The following LEPROTL1 variants were observed in gnomAD, a reference collection of about 807,000 sequenced individuals.
The protein encoded by LEPROTL1 is leptin receptor overlapping transcript-like 1.
A neutral mutation model predicts 15.4 loss-of-function variants in LEPROTL1; 6 were observed. The ratio of observed to expected loss-of-function variants is 0.39; its 90% confidence interval spans 0.21 to 0.77. LEPROTL1 has a LOEUF of 0.77. LEPROTL1 is among the 30% of genes least tolerant of loss of function. The pLI is 0.41. For missense variants in LEPROTL1, 128 were observed against 158.1 expected (o/e 0.81, Z 1.02); for synonymous variants, 56 against 52.6 (o/e 1.06, Z -0.28).
chr8:30,105,301 A>T (rs977902902), intron 3 of LEPROTL1, among the ~76,000 whole-genome samples: 4 of 152,122 alleles, frequency 2.6e-5, no homozygotes, highest in African/African-American at 9.7e-5. Context: ...GTGTGTTTCC[A>T]TCTGTGATAT....
downstream of LEPROTL1, among the ~76,000 whole-genome samples, chr8:30,108,755 G>T (rs534880705): frequency 3.3e-5 from 5 of 151,648 alleles, no homozygotes; most frequent in South Asian, 4.2e-4. Context: ...AGCCTCCTAC[G>T]TAGCTGGGAT....
chr8:30,122,510 G>A (rs530434110), intron 3 of LEPROTL1, among the ~76,000 whole-genome samples: 30 of 152,232 alleles, frequency 2.0e-4, no homozygotes, highest in Non-Finnish European at 3.7e-4. Flanking sequence ...TTTTGGGAGG[G>A]CCAGGCATGG....
chr8:30,106,830 T>G lies in LEPROTL1; in HGVS notation c.*968T>G, dbSNP rs1802576403. 2.0e-6 allele frequency: 2 copies of G among 984,720 alleles called. No homozygotes were observed. The highest frequency in any genetic ancestry group is 1.2e-6 in the Non-Finnish European group (1 of 828,878). 61.0% of individuals were successfully genotyped at this position (984,720 alleles called of 1,614,324 possible). On this transcript the variant is annotated 3_prime_UTR_variant, in exon 4 of 4. Coordinates refer to ENST00000321250, the MANE Select transcript of LEPROTL1 (RefSeq NM_015344.3). ...CAGAAAACCTTCCTCTGCTTCCTCC[T>G]TTTGACTTATTTGGTATGTTGTATA...
chr8:30,117,230 G>A (rs1228539222), intron 3 of LEPROTL1, among the ~76,000 whole-genome samples: 1 of 152,026 alleles, frequency 6.6e-6, no homozygotes, highest in African/African-American at 2.4e-5. Context: ...GCTCAGGCCT[G>A]TAATCCCAGT....
Position 30,095,531 on chromosome 8 carries a change from G to T in LEPROTL1, c.16+3G>T. 1 of 1,435,966 alleles carries T rather than the reference G, an allele frequency of 7.0e-7. No individual in the cohort carries two copies. Among genetic ancestry groups the T allele is most frequent in the Non-Finnish European group, 9.1e-7 (1 of 1,097,188 alleles). The allele number at this position is 1,435,966 out of a possible 1,614,324, so 89.0% of individuals were successfully genotyped here. ...CACCGCCATGGCAGGCATCAAAGGT[G>T]GGCCTGGGTTGCAGGACGCGGGAGG... On this transcript the variant is annotated splice_donor_region_variant and intron_variant, in intron 1 of 3. Transcript: ENST00000321250.
intron 3 of LEPROTL1, 95 bp from the exon 4 acceptor site, chr8:30,105,651 A>G: frequency 2.2e-6 from 2 of 913,118 alleles, no homozygotes; most frequent in Non-Finnish European, 3.3e-6. Context: ...TGCTTCTTTT[A>G]GATCATAATT....
At chr8:30,096,502 T>C in intron 1 of LEPROTL1, 1 of 418,798 alleles carries the variant, frequency 2.4e-6, no homozygotes, top group South Asian at 1.0e-4. Context: ...AGGGTCACAG[T>C]CTTACTGTTT....
intron 3 of LEPROTL1, among the ~76,000 whole-genome samples, chr8:30,120,973 C>G (rs1431929047): frequency 2.0e-5 from 3 of 152,154 alleles, no homozygotes; most frequent in Non-Finnish European, 2.9e-5. Flanking sequence ...AACTCTACTC[C>G]CATTCCCCCT....
At chr8:30,109,472 T>C (rs1036991890), downstream of LEPROTL1, among the ~76,000 whole-genome samples, 9 of 152,358 alleles carry the variant, frequency 5.9e-5, no homozygotes, top group African/African-American at 2.2e-4. Context: ...AAGTATTAAA[T>C]GGATTGTACA....
In LEPROTL1 at chr8:30,129,740, CACACACACACACACACAA is replaced by C. The variant is rs1467640463; in HGVS notation, c.280-2633_280-2616del. ...ACACACACACACACACACACACACA[CACACACACACACACACAA>C]AGAACTACCTGAGACTGGGTAATTA... On this transcript the variant is annotated intron_variant, in intron 3 of 4. Transcript: ENST00000442880. Among the ~76,000 whole-genome samples, 10 of 151,614 alleles carry C rather than the reference CACACACACACACACACAA, an allele frequency of 6.6e-5. No homozygotes were observed. The East Asian group carries it at 1.2e-3, about 18-fold the overall frequency.
chr8:30,099,568 C>T (rs992095425), intron 1 of LEPROTL1, among the ~76,000 whole-genome samples: 4 of 140,216 alleles, frequency 2.9e-5, no homozygotes, highest in African/African-American at 5.3e-5. Flanking sequence ...CGCCACTGCA[C>T]TCCATCCTGG....
At position 30,107,300 on chromosome 8, in the gene LEPROTL1, T is replaced by C; in HGVS notation, c.*1438T>C. ...ATTTATAGTGGTCGTTTACATCTAA[T>C]AATTATCAGGACTTTTTTCAGGAGT... On this transcript the variant is annotated 3_prime_UTR_variant, in exon 4 of 4. Coordinates refer to ENST00000321250, the MANE Select transcript of LEPROTL1 (RefSeq NM_015344.3). 5.1e-6 allele frequency: 5 copies of C among 985,680 alleles called. No homozygotes were observed. Among genetic ancestry groups the C allele is most frequent in the Non-Finnish European group, 6.0e-6 (5 of 829,870 alleles). The allele number at this position is 985,680 out of a possible 1,614,324, so 61.1% of individuals were successfully genotyped here. A position where few individuals can be genotyped will look rare whatever the true frequency, so the allele number is the denominator to read the frequency against.
chr8:30,109,310 T>C (rs1419818432), downstream of LEPROTL1, among the ~76,000 whole-genome samples: 1 of 152,190 alleles, frequency 6.6e-6, no homozygotes. Context: ...GCCCTTTCTT[T>C]CAGTGAAGAT....
intron 2 of LEPROTL1, among the ~76,000 whole-genome samples, chr8:30,103,466 C>T (rs1023241014): frequency 7.9e-5 from 12 of 151,992 alleles, no homozygotes; most frequent in African/African-American, 7.3e-5. Flanking sequence ...AATGGTCAGG[C>T]GCAGTGGCTC....
chr8:30,136,813 G>A (rs149000616), intron 4 of LEPROTL1, among the ~76,000 whole-genome samples: 6 of 149,826 alleles, frequency 4.0e-5, no homozygotes, highest in Admixed American at 2.7e-4. Context: ...TCAGCCTCCC[G>A]AGTAGCTGGG....
At position 30,106,313 on chromosome 8, in the gene LEPROTL1, TTCAG is replaced by T. The variant is rs368030685; in HGVS notation, c.*460_*463del. ...TTACAAAAAATTATAAAAATAAGTT[TTCAG>T]TCAGTCAGGATGACATCACTCCCAA... On this transcript the variant is annotated 3_prime_UTR_variant, in exon 4 of 4. Transcript: ENST00000321250. The T allele has an allele frequency of 7.5e-4, 745 of 986,850 alleles. 4 individuals carry two copies. The African/African-American group carries it at 0.011, about 14-fold the overall frequency. The allele number at this position is 986,850 out of a possible 1,614,324, so 61.1% of individuals were successfully genotyped here.
rs150552460 is a variant in LEPROTL1 at position 30,134,147 on chromosome 8, G to C, written c.394+1658G>C. Among the ~76,000 whole-genome samples the C allele has an allele frequency of 6.3e-4, 96 of 152,280 alleles. No individual in the cohort carries two copies. The East Asian group carries it at 0.018, about 29-fold the overall frequency. ...CTTAAAAAACTTTCTCTTACCAGCT[G>C]GGTGTGGTGGCTCACGCCTGTAATC... On this transcript the variant is annotated intron_variant, in intron 4 of 4. Transcript: ENST00000442880.
chr8:30,112,276 C>T (rs903880284), downstream of LEPROTL1, among the ~76,000 whole-genome samples: 6 of 152,100 alleles, frequency 3.9e-5, no homozygotes, highest in Middle Eastern at 3.4e-3. Flanking sequence ...TGCTCTGTCG[C>T]CCAGGCTGGA....
downstream of LEPROTL1, chr8:30,138,308 T>A (rs1383657808): frequency 4.5e-6 from 2 of 442,866 alleles, no homozygotes; most frequent in African/African-American, 3.9e-5. Context: ...CACTGGGCGG[T>A]TACACTAACA....
Sources: allele counts gnomAD v4.1 joint callset (sites outside exome capture counted in the v4.1 genomes callset), GRCh38; gene constraint gnomAD v4.1.1; transcripts MANE v1.5; gene names NCBI Gene and HGNC (gene_info 2026-07-23, HGNC 2026-07-21).